The following ABCB4 variants were observed in gnomAD, a reference collection of about 807,000 sequenced individuals.
ABCB4 encodes the protein phosphatidylcholine translocator ABCB4.
ABCB4 carries 76 observed loss-of-function variants against 145.7 expected under a neutral mutation model. That is an observed-to-expected ratio of 0.52 (90% CI 0.43 to 0.63). The LOEUF (loss-of-function observed/expected upper bound fraction) is 0.63. Among genes scored for constraint, ABCB4 ranks in the 30% least tolerant of loss-of-function variants. The probability of loss-of-function intolerance (pLI) is 0.00; values close to 1 mark genes in which losing one functional copy is unlikely to be tolerated. For synonymous variants in ABCB4, 517 were observed against 566.8 expected (o/e 0.91, Z 1.25); for missense variants, 1,234 against 1,553.1 (o/e 0.79, Z 3.45).
chr7:87,406,007 T>C, intron 26 of ABCB4: 2 of 511,008 alleles, frequency 3.9e-6, no homozygotes, highest in South Asian at 2.2e-5. Flanking sequence ...AAAAGTACCA[T>C]AGGGCTAAAC....
intron 19 of ABCB4, 34 bp from the exon 20 acceptor site, chr7:87,418,654 A>C (rs1468759775): frequency 6.2e-7 from 1 of 1,600,128 alleles, no homozygotes; most frequent in East Asian, 2.2e-5. Context: ...TGTTAGTTCA[A>C]AATTAAAACA....
the ABCB4 span, among the ~76,000 whole-genome samples, chr7:87,384,810 C>A: frequency 6.6e-6 from 1 of 152,134 alleles, no homozygotes; most frequent in African/African-American, 2.4e-5. Context: ...TACAGAGCAT[C>A]CTCAATGTTT....
chr7:87,418,580 G>T lies in ABCB4; in HGVS notation c.2435C>A (p.Ala812Glu), dbSNP rs768524721. ...WFDDHKNSTGALSTRLATDAA... is the reference protein window; with the variant it reads ...WFDDHKNSTGELSTRLATDAA... ...ATCTGTGGCAAGTCTTGTAGAAAGT[G>T]CACCAGTACTGTTTTTATGGTCATC... The change falls in exon 20 of 28, where the codon GCA becomes GAA. Residue 812 changes from alanine to glutamate, a missense_variant. By Grantham distance (107) the Ala-to-Glu change is moderately radical. Around this residue, in one of 7 missense-constraint regions of ABCB4, gnomAD observed 321 missense variants for 332.6 expected, o/e 0.97. Transcript: ENST00000649586. The T allele has an allele frequency of 3.1e-6, 5 of 1,614,122 alleles. No homozygotes were observed. In the Admixed American group the frequency reaches 8.3e-5, roughly 27 times the overall value.
the ABCB4 span, among the ~76,000 whole-genome samples, chr7:87,366,553 C>T: frequency 1.8e-4 from 28 of 152,268 alleles, no homozygotes; most frequent in Non-Finnish European, 1.5e-5. Flanking sequence ...CAGTTTATAG[C>T]TCTAGGAAAC....
In ABCB4 at chr7:87,418,634, T is replaced by A; in HGVS notation, c.2395-14A>T. 6.2e-7 allele frequency: 1 copy of A among 1,610,632 alleles called. No homozygotes were observed. The highest frequency in any genetic ancestry group is 8.5e-7 in the Non-Finnish European group (1 of 1,176,850). On this transcript the variant is annotated splice_polypyrimidine_tract_variant and intron_variant, in intron 19 of 27. Coordinates refer to ENST00000649586, the MANE Select transcript of ABCB4 (RefSeq NM_000443.4). ...CCAGCTCATGTCCTATGGCATAAAATACACGTTTATGTTAGTTCAAAATTA... is the reference window on the plus strand; with the variant it reads ...CCAGCTCATGTCCTATGGCATAAAAAACACGTTTATGTTAGTTCAAAATTA...
chr7:87,474,131 T>C (rs975683028), intron 2 of ABCB4, among the ~76,000 whole-genome samples: 1 of 152,202 alleles, frequency 6.6e-6, no homozygotes, highest in East Asian at 1.9e-4. Context: ...CTGAGGACTT[T>C]CCTGGGTTCT....
rs56187107 is a variant in ABCB4, at chr7:87,409,370, C to T, written c.2947G>A (p.Gly983Ser). 6 of 1,614,008 alleles carry T rather than the reference C, an allele frequency of 3.7e-6. No homozygotes were observed. Among genetic ancestry groups the T allele is most frequent in the Non-Finnish European group, 5.1e-6 (6 of 1,179,930 alleles). Reference sequence around the variant, plus strand: ...CTGGCATGTCCTAGAGCCACTGCACCAAATACAATTGCAGAAAACACCCTA... The same window carrying T: ...CTGGCATGTCCTAGAGCCACTGCACTAAATACAATTGCAGAAAACACCCTA... The part of the protein sequence containing the change: ...VILVFSAIVF[G>S]AVALGHASSF... The change falls in exon 24 of 28, where the codon GGT becomes AGT. Residue 983 changes from glycine to serine, a missense_variant. Coordinates refer to ENST00000649586, the MANE Select transcript of ABCB4 (RefSeq NM_000443.4).
chr7:87,368,715 G>A, the ABCB4 span, among the ~76,000 whole-genome samples: 1 of 152,020 alleles, frequency 6.6e-6, no homozygotes, highest in Non-Finnish European at 1.5e-5. Flanking sequence ...GTAGGGGCAG[G>A]GATCACATAA....
At chr7:87,388,918 A>T in the ABCB4 span, among the ~76,000 whole-genome samples, 1 of 152,210 alleles carries the variant, frequency 6.6e-6, no homozygotes, top group African/African-American at 2.4e-5. Context: ...AGGAACTTAA[A>T]CAAATTTACA....
Position 87,417,387 on chromosome 7 carries a change from C to T in ABCB4, c.2607G>A (p.Val869=), listed in dbSNP as rs763727069. The change falls in exon 21 of 28, where the codon GTG becomes GTA. Residue 869 remains valine, a synonymous_variant. Coordinates refer to ENST00000649586, the MANE Select transcript of ABCB4 (RefSeq NM_000443.4). ...LLLAVVPIIA[V]SGIVEMKLLA... The stretch of plus-strand genomic sequence containing the variant: ...ACAATTTCATTTCAACAATTCCTGA[C>T]ACAGCAATAATTGGAACAACTGCTA... 1.9e-6 allele frequency: 3 copies of T among 1,614,106 alleles called. No homozygotes were observed. Among genetic ancestry groups the T allele is most frequent in the South Asian group, 2.2e-5 (2 of 91,078 alleles).
At chr7:87,380,213 G>A in the ABCB4 span, among the ~76,000 whole-genome samples, 1 of 152,232 alleles carries the variant, frequency 6.6e-6, no homozygotes, top group Non-Finnish European at 1.5e-5. Flanking sequence ...GTTTGAATAT[G>A]TTCTTTTGTG....
chr7:87,414,481 T>TA (rs1431844225), intron 21 of ABCB4, among the ~76,000 whole-genome samples: 1 of 152,200 alleles, frequency 6.6e-6, no homozygotes, highest in African/African-American at 2.4e-5. Flanking sequence ...CTTTGGAGTG[T>TA]CCTTATATCA....
At chr7:87,426,424 A>C (rs1178674958) in intron 16 of ABCB4, among the ~76,000 whole-genome samples, 1 of 152,204 alleles carries the variant, frequency 6.6e-6, no homozygotes, top group Non-Finnish European at 1.5e-5. Context: ...CCAATAGAGT[A>C]TGCAAATATC....
In ABCB4 at chr7:87,426,814, G is replaced by A. The variant is rs756777858; in HGVS notation, c.2000C>T (p.Thr667Ile). 1.9e-5 allele frequency: 30 copies of A among 1,613,836 alleles called. No individual in the cohort carries two copies. The highest frequency in any genetic ancestry group is 1.6e-4 in the Middle Eastern group (1 of 6,082). The change falls in exon 16 of 28, where the codon ACT (threonine) becomes ATT (isoleucine). Residue 667 changes from threonine (T) to isoleucine (I), a missense_variant. Physicochemically the swap from Thr to Ile is moderately conservative, Grantham distance 89. Around this residue, in one of 7 missense-constraint regions of ABCB4, gnomAD observed 321 missense variants for 332.6 expected, o/e 0.97. Coordinates refer to ENST00000649586, the MANE Select transcript of ABCB4 (RefSeq NM_000443.4). ...GWKSRLFRHS[T>I]QKNLKNSQMC... is the part of the protein sequence containing the mutation. ...TTGTGAATTTTTAAGGTTTTTCTGA[G>A]TAGAATGCCTAAATAGGCGAGATTT...
At chr7:87,423,122 C>T (rs887529487) in intron 17 of ABCB4, among the ~76,000 whole-genome samples, 9 of 152,096 alleles carry the variant, frequency 5.9e-5, no homozygotes, top group African/African-American at 1.9e-4. Flanking sequence ...ATAATAAACT[C>T]GTAACATGAT....
intron 3 of ABCB4, 147 bp from the exon 4 acceptor site, chr7:87,463,055 T>TTTG (rs1812572956): frequency 1.5e-6 from 1 of 668,740 alleles, no homozygotes; most frequent in African/African-American, 1.8e-5. Flanking sequence ...TTCAAATCAT[T>TTTG]AACAACTTAA....
chr7:87,461,608 C>G (rs1812465066), intron 4 of ABCB4, among the ~76,000 whole-genome samples: 1 of 152,002 alleles, frequency 6.6e-6, no homozygotes, highest in South Asian at 2.1e-4. Context: ...GAAAAATCAC[C>G]ATTATTGTTA....
the ABCB4 span, among the ~76,000 whole-genome samples, chr7:87,367,672 C>A: frequency 6.6e-6 from 1 of 152,200 alleles, no homozygotes; most frequent in African/African-American, 2.4e-5. Flanking sequence ...TGTGCTGAGT[C>A]CCGCTTCCTC....
the ABCB4 span, chr7:87,392,987 T>G: frequency 6.2e-7 from 1 of 1,613,750 alleles, no homozygotes. Context: ...CAAGTCTGGT[T>G]GGCTATTTAC....
Sources: gnomAD v4.1 joint callset for allele counts (sites outside exome capture counted in the v4.1 genomes callset) on GRCh38, gnomAD v4.1.1 for gene constraint, gnomAD v4.1.1 regional missense constraint, MANE v1.5 for transcripts, NCBI Gene and HGNC (gene_info 2026-07-23, HGNC 2026-07-21) for gene names.